SEMA6D: variants seen among roughly 807,000 people sequenced by gnomAD.
SEMA6D encodes semaphorin 6D, also known as semaphorin-6D.
Under a neutral mutation model 106.6 loss-of-function variants are expected in SEMA6D, and 35 were observed. That is an observed-to-expected ratio of 0.33 (90% CI 0.25 to 0.44). SEMA6D has a LOEUF of 0.44. Among genes scored for constraint, SEMA6D ranks in the 20% least tolerant of loss-of-function variants. SEMA6D has a pLI of 1.00. For missense variants in SEMA6D, 1,185 were observed against 1,345.9 expected, an observed-to-expected ratio of 0.88 and a Z score of 1.87; for synonymous variants, 499 against 487.7, an observed-to-expected ratio of 1.02 and a Z score of -0.31.
At chr15:47,217,906 C>CACAG (rs749621683) in intron 1 of SEMA6D, among the ~76,000 whole-genome samples, 1 of 148,846 alleles carries the variant, frequency 6.7e-6, no homozygotes, top group Non-Finnish European at 1.5e-5. Context: ...CACACACACA[C>CACAG]TTTTATAAAG....
chr15:47,348,317 T>A (rs2038128919), intron 1 of SEMA6D, among the ~76,000 whole-genome samples: 1 of 152,142 alleles, frequency 6.6e-6, no homozygotes, highest in Admixed American at 6.6e-5. Context: ...TCCTTCCTCA[T>A]CTGTAAAATG....
At chr15:47,514,500 A>G (rs1416356691) in intron 3 of SEMA6D, among the ~76,000 whole-genome samples, 1 of 152,176 alleles carries the variant, frequency 6.6e-6, no homozygotes, top group Non-Finnish European at 1.5e-5. Context: ...TCCCCATTTC[A>G]GTTGATTACC....
chr15:47,364,406 C>A (rs1047531077), intron 1 of SEMA6D, among the ~76,000 whole-genome samples: 3 of 152,078 alleles, frequency 2.0e-5, no homozygotes, highest in Non-Finnish European at 2.9e-5. Flanking sequence ...ATGCCAGAGA[C>A]CATAGAAGAA....
intron 1 of SEMA6D, among the ~76,000 whole-genome samples, chr15:47,719,096 G>C (rs1461171345): frequency 1.3e-5 from 2 of 151,490 alleles, no homozygotes; most frequent in Non-Finnish European, 2.9e-5. Flanking sequence ...GACCATTGCT[G>C]TCAGGTGATT....
intron 1 of SEMA6D, among the ~76,000 whole-genome samples, chr15:47,286,065 G>C (rs749453092): frequency 6.6e-6 from 1 of 152,146 alleles, no homozygotes; most frequent in Non-Finnish European, 1.5e-5. Flanking sequence ...TATTCAGAAT[G>C]CAGGTTCTTA....
chr15:47,480,584 T>C (rs1263572592), intron 3 of SEMA6D, among the ~76,000 whole-genome samples: 2 of 152,194 alleles, frequency 1.3e-5, no homozygotes, highest in African/African-American at 4.8e-5. Flanking sequence ...ACCAAAATTC[T>C]GCCTTTATTT....
Position 47,584,877 on chromosome 15 carries a change from C to T in SEMA6D, c.-86-15988C>T, listed in dbSNP as rs118056930. Among the ~76,000 whole-genome samples, 37 of 152,246 alleles carry T rather than the reference C, an allele frequency of 2.4e-4. No individual in the cohort carries two copies. In the East Asian group the frequency reaches 6.8e-3, roughly 28 times the overall value. ...CTTCTCTTAAGCAATCACCTTGCTC[C>T]AGGGTTTCTAGACCAAGTGACTTCT... On this transcript the variant is annotated intron_variant, in intron 3 of 19. Transcript: ENST00000558014.
chr15:47,765,558 C>A, intron 13 of SEMA6D: 2 of 687,720 alleles, frequency 2.9e-6, no homozygotes, highest in Non-Finnish European at 3.7e-6. Context: ...CCATCTAACA[C>A]AGGAAAATTT....
At chr15:47,492,839 A>AT (rs1241962828) in intron 3 of SEMA6D, among the ~76,000 whole-genome samples, 1 of 152,144 alleles carries the variant, frequency 6.6e-6, no homozygotes. Flanking sequence ...AAGAGTCAAC[A>AT]TTTTGCATAT....
rs35584206 is a variant in SEMA6D, at chr15:47,586,888, G to GT, written c.-86-13958dup. Among the ~76,000 whole-genome samples the GT allele has an allele frequency of 9.2e-3, 1,126 of 122,806 alleles. 39 individuals carry two copies. The highest frequency in any genetic ancestry group is 0.025 in the African/African-American group (823 of 32,586). The allele number at this position is 122,806 out of a possible 152,430, so 80.6% of individuals were successfully genotyped here. The stretch of plus-strand genomic sequence containing the variant: ...AGATTTTCAAAATGAAATTTGACAG[G>GT]TTTTTTTTTTTTTTTTTTTACAAGA... On this transcript the variant is annotated intron_variant, in intron 3 of 19. Transcript: ENST00000558014.
chr15:47,379,844 A>G (rs558370012), intron 1 of SEMA6D, among the ~76,000 whole-genome samples: 8 of 152,226 alleles, frequency 5.3e-5, no homozygotes, highest in Admixed American at 1.3e-4. Context: ...AGCAACCTCC[A>G]CTTCCTGGAT....
rs141841970 is a variant in SEMA6D at position 47,748,519 on chromosome 15, T to C, written c.-54-11226T>C. 2.9e-3 allele frequency among the ~76,000 whole-genome samples: 447 copies of C among 152,266 alleles called. 1 individual carries two copies. Among genetic ancestry groups the C allele is most frequent in the African/African-American group, 0.011 (440 of 41,564 alleles). The stretch of plus-strand genomic sequence containing the variant: ...CAATGGAAGTATTTATACAATATCA[T>C]AGTATGACTAGCTGTCCTGAGCAGA... On this transcript the variant is annotated intron_variant, in intron 1 of 18. Transcript: ENST00000536845.
At chr15:47,387,216 A>G (rs573289104) in intron 1 of SEMA6D, among the ~76,000 whole-genome samples, 2 of 152,364 alleles carry the variant, frequency 1.3e-5, no homozygotes, top group South Asian at 4.1e-4. Flanking sequence ...TCTGATAATT[A>G]TATGTGCTCA....
intron 4 of SEMA6D, among the ~76,000 whole-genome samples, chr15:47,670,082 C>T (rs1209621554): frequency 6.6e-6 from 1 of 152,196 alleles, no homozygotes; most frequent in Non-Finnish European, 1.5e-5. Flanking sequence ...CCTTCAAGAC[C>T]TTGTTCAAAT....
At chr15:47,418,835 G>T (rs370612697) in intron 2 of SEMA6D, among the ~76,000 whole-genome samples, 1 of 152,120 alleles carries the variant, frequency 6.6e-6, no homozygotes, top group Non-Finnish European at 1.5e-5. Context: ...AACAGGAAAG[G>T]TGTGGATAGG....
intron 1 of SEMA6D, among the ~76,000 whole-genome samples, chr15:47,292,582 C>A (rs759830915): frequency 6.6e-6 from 1 of 152,080 alleles, no homozygotes; most frequent in Non-Finnish European, 1.5e-5. Context: ...GTCCTGAGAT[C>A]TGAACTGGGA....
intron 3 of SEMA6D, among the ~76,000 whole-genome samples, chr15:47,481,514 G>C (rs993787293): frequency 6.6e-6 from 1 of 152,158 alleles, no homozygotes; most frequent in Non-Finnish European, 1.5e-5. Flanking sequence ...GACCTTGACT[G>C]AGTGTTCCTA....
At chr15:47,540,015 A>T (rs563775077) in intron 3 of SEMA6D, among the ~76,000 whole-genome samples, 8 of 151,536 alleles carry the variant, frequency 5.3e-5, no homozygotes, top group Non-Finnish European at 1.0e-4. Context: ...GATGATCAGG[A>T]GCATGATTTG....
intron 1 of SEMA6D, among the ~76,000 whole-genome samples, chr15:47,190,425 A>G (rs1782796654): frequency 6.6e-6 from 1 of 152,166 alleles, no homozygotes; most frequent in South Asian, 2.1e-4. Flanking sequence ...ATTATTCTCT[A>G]ATGGCAATTG....
Sources: gnomAD v4.1 joint callset for allele counts (sites outside exome capture counted in the v4.1 genomes callset) on GRCh38, gnomAD v4.1.1 for gene constraint, MANE v1.5 for transcripts, NCBI Gene and HGNC (gene_info 2026-07-23, HGNC 2026-07-21) for gene names.